ARMC2: variants seen among roughly 807,000 people sequenced by gnomAD.
The protein encoded by ARMC2 is armadillo repeat containing 2.
In ARMC2, 67 loss-of-function variants were observed where a neutral mutation model predicts 90.3. That is an observed-to-expected ratio of 0.74 (90% CI 0.61 to 0.91). The LOEUF (loss-of-function observed/expected upper bound fraction) is 0.91. Ranked by LOEUF, ARMC2 falls within the 40% of genes least tolerant of loss-of-function variation. The pLI is 0.00. For synonymous variants in ARMC2, 393 were observed against 393.0 expected (o/e 1.00, Z 0.00); for missense variants, 920 against 1,030.9 (o/e 0.89, Z 1.47).
the ARMC2 span, among the ~76,000 whole-genome samples, chr6:109,020,675 A>G: frequency 6.6e-6 from 1 of 152,180 alleles, no homozygotes; most frequent in Non-Finnish European, 1.5e-5. Flanking sequence ...AGGGATTTTC[A>G]AGAGTTACAG....
Position 108,894,470 on chromosome 6 carries a change from C to T in ARMC2, c.675C>T (p.Asp225=), listed in dbSNP as rs757674902. The T allele has an allele frequency of 1.9e-6, 3 of 1,608,264 alleles. No individual in the cohort carries two copies. The highest frequency in any genetic ancestry group is 2.5e-6 in the Non-Finnish European group (3 of 1,177,838). The part of the protein sequence containing the change: ...SLPSHLKNGG[D]QGKRHARASS... ...GTGTTTTATGTATTCCTCCTAGGGA[C>T]CAGGGGAAGAGACATGCGAGGGCCT... Residue 225 remains aspartate, a synonymous_variant, in exon 6 of 18, where the codon GAC becomes GAT. Transcript: ENST00000392644.
At chr6:108,912,306 A>G in intron 9 of ARMC2, 29 bp from the exon 10 acceptor site, 1 of 1,494,340 alleles carries the variant, frequency 6.7e-7, no homozygotes, top group Non-Finnish European at 9.2e-7. Context: ...TTATACTCAG[A>G]CATTTATAAT....
chr6:108,962,216 T>C, intron 15 of ARMC2, 89 bp downstream of exon 15: 2 of 1,050,540 alleles, frequency 1.9e-6, no homozygotes, highest in East Asian at 2.6e-5. Flanking sequence ...TACAGTGTTA[T>C]ACTTGTTTCC....
chr6:108,971,487 CCTTAT>C (rs1778761507), intron 17 of ARMC2, among the ~76,000 whole-genome samples: 1 of 152,142 alleles, frequency 6.6e-6, no homozygotes, highest in South Asian at 2.1e-4. Flanking sequence ...TTCCAGACTC[CCTTAT>C]CTTATTTTGG....
intron 8 of ARMC2, among the ~76,000 whole-genome samples, chr6:108,909,613 G>A (rs12212051): frequency 0.11 from 16,942 of 152,112 alleles, 1,233 homozygotes; most frequent in Middle Eastern, 0.18. Context: ...TCGGCTCACT[G>A]CAACCTCCGC....
intron 11 of ARMC2, among the ~76,000 whole-genome samples, chr6:108,932,499 G>C (rs1484283447): frequency 7.4e-6 from 1 of 135,716 alleles, no homozygotes; most frequent in Non-Finnish European, 1.6e-5. Context: ...ATTAAACAGT[G>C]AGTCTTTTCT....
chr6:109,006,294 ATTTT>A, the ARMC2 span, among the ~76,000 whole-genome samples: 1 of 152,254 alleles, frequency 6.6e-6, no homozygotes, highest in African/African-American at 2.4e-5. Flanking sequence ...AAGCCCTGAG[ATTTT>A]TTTAATTTTT....
chr6:108,883,333 A>T (rs901202841), intron 5 of ARMC2, among the ~76,000 whole-genome samples: 1 of 152,248 alleles, frequency 6.6e-6, no homozygotes, highest in Admixed American at 6.5e-5. Context: ...AAACCTGTAG[A>T]CAACAAAATG....
At chr6:109,014,955 A>G in the ARMC2 span, among the ~76,000 whole-genome samples, 1 of 152,190 alleles carries the variant, frequency 6.6e-6, no homozygotes, top group African/African-American at 2.4e-5. Flanking sequence ...AAGCTTCATA[A>G]AATCAGAATG....
chr6:108,973,390 C>T lies in ARMC2; in HGVS notation c.2480C>T (p.Pro827Leu). Reference protein sequence around the residue: ...EELALDGSFDPDLKNYHKLHW... With the variant: ...EELALDGSFDLDLKNYHKLHW... Reference sequence around the variant, plus strand: ...CTAGCACTGGATGGCAGTTTTGATCCAGACCTAAAAAACTATCACAAACTC... The same window carrying T: ...CTAGCACTGGATGGCAGTTTTGATCTAGACCTAAAAAACTATCACAAACTC... Residue 827 changes from proline (P) to leucine (L), a missense_variant, in exon 18 of 18, where the codon CCA becomes CTA. Physicochemically the swap from Pro to Leu is moderately conservative, Grantham distance 98. Coordinates refer to ENST00000392644, the MANE Select transcript of ARMC2 (RefSeq NM_032131.6). The T allele has an allele frequency of 6.2e-7, 1 of 1,613,390 alleles. No individual in the cohort carries two copies. Among genetic ancestry groups the T allele is most frequent in the Non-Finnish European group, 8.5e-7 (1 of 1,179,534 alleles).
intron 4 of ARMC2, among the ~76,000 whole-genome samples, chr6:108,874,032 T>C (rs1364584831): frequency 6.6e-6 from 1 of 152,238 alleles, no homozygotes; most frequent in African/African-American, 2.4e-5. Flanking sequence ...TGGTCCTGTG[T>C]GGTAAGGCTG....
the ARMC2 span, among the ~76,000 whole-genome samples, chr6:108,990,301 A>G: frequency 5.9e-5 from 9 of 152,376 alleles, no homozygotes; most frequent in Non-Finnish European, 1.0e-4. Flanking sequence ...AGGTAGAAAC[A>G]TAAGTGTATC....
chr6:108,907,848 C>A, intron 8 of ARMC2: 1 of 1,611,192 alleles, frequency 6.2e-7, no homozygotes, highest in African/African-American at 1.3e-5. Context: ...AGTTTCTTGT[C>A]CTTCACTGGT....
At chr6:109,001,274 G>C in the ARMC2 span, 186,061 of 1,605,674 alleles carry the variant, frequency 0.12, 11,842 homozygotes, top group South Asian at 0.19. Flanking sequence ...ATTTTTCACT[G>C]AATGTTTACA....
At chr6:108,907,377 A>G (rs139232744) in intron 8 of ARMC2, among the ~76,000 whole-genome samples, 89 of 152,234 alleles carry the variant, frequency 5.8e-4, no homozygotes, top group Middle Eastern at 3.4e-3. Flanking sequence ...AAGGTAGTCA[A>G]CCAATTCAAA....
At chr6:108,949,179 C>T (rs1304775111) in intron 12 of ARMC2, among the ~76,000 whole-genome samples, 2 of 152,108 alleles carry the variant, frequency 1.3e-5, no homozygotes, top group Non-Finnish European at 2.9e-5. Context: ...TCTTGTTTAA[C>T]ATGCTTTTAT....
the ARMC2 span, among the ~76,000 whole-genome samples, chr6:109,021,781 T>C: frequency 6.6e-6 from 1 of 152,146 alleles, no homozygotes; most frequent in Non-Finnish European, 1.5e-5. Context: ...AAATAAGCTA[T>C]GTTGAATCAG....
At chr6:109,002,923 C>T in the ARMC2 span, among the ~76,000 whole-genome samples, 28 of 152,124 alleles carry the variant, frequency 1.8e-4, no homozygotes, top group African/African-American at 5.1e-4. Context: ...TGTAAGTTTG[C>T]CTTAAATTAA....
chr6:108,968,682 A>C (rs891505905), intron 17 of ARMC2, among the ~76,000 whole-genome samples: 1 of 151,992 alleles, frequency 6.6e-6, no homozygotes, highest in Non-Finnish European at 1.5e-5. Context: ...TTACAAAGAT[A>C]GCTAAAACAA....
Sources: allele counts gnomAD v4.1 joint callset (sites outside exome capture counted in the v4.1 genomes callset), GRCh38; gene constraint gnomAD v4.1.1; transcripts MANE v1.5; gene names NCBI Gene and HGNC (gene_info 2026-07-23, HGNC 2026-07-21).